Variants in DBX2 observed in about 807,000 individuals in gnomAD.
DBX2 encodes homeobox protein DBX2.
A neutral mutation model predicts 17.7 loss-of-function variants in DBX2; 16 were observed. That is an observed-to-expected ratio of 0.90 (90% CI 0.61 to 1.37). The LOEUF (loss-of-function observed/expected upper bound fraction) is 1.37, where lower values mean the gene tolerates loss of function less well. DBX2 is among the 40% of genes most tolerant of loss of function. DBX2 has a pLI of 0.00. For synonymous variants in DBX2, 255 were observed against 183.8 expected (o/e 1.39, Z -3.13); for missense variants, 538 against 433.8 (o/e 1.24, Z -2.13).
At chr12:45,037,134 T>C (rs922617989) in intron 1 of DBX2, among the ~76,000 whole-genome samples, 7 of 152,188 alleles carry the variant, frequency 4.6e-5, no homozygotes, top group South Asian at 2.1e-4. Context: ...CATTTTAAGT[T>C]AAACTCTTTC....
intron 1 of DBX2, among the ~76,000 whole-genome samples, chr12:45,048,804 T>C (rs963825221): frequency 1.3e-5 from 2 of 152,316 alleles, no homozygotes; most frequent in East Asian, 3.9e-4. Context: ...TAGAACATCA[T>C]ATCTTCAATG....
chr12:45,026,845 T>G (rs1338762476), intron 2 of DBX2, among the ~76,000 whole-genome samples: 1 of 152,218 alleles, frequency 6.6e-6, no homozygotes, highest in African/African-American at 2.4e-5. Flanking sequence ...GAAGGTCTAC[T>G]TTCATTGATG....
chr12:45,023,707 C>T lies in DBX2; in HGVS notation c.687G>A (p.Gln229=). The change falls in exon 3 of 4, where the codon CAG becomes CAA. Residue 229 remains glutamine, a splice_region_variant and synonymous_variant. Transcript: ENST00000332700. ...TAGACATCTTCCTGCTTATTAGTAC[C>T]TGTGATTCCTTTAGTCCCAAGTTGA... is the stretch of plus-strand genomic sequence containing the variant. ...LAINLGLKES[Q]VKIWFQNRRM... 1 of 1,613,962 alleles carries T rather than the reference C, an allele frequency of 6.2e-7. No individual in the cohort carries two copies. Among genetic ancestry groups the T allele is most frequent in the Non-Finnish European group, 8.5e-7 (1 of 1,179,940 alleles).
intron 2 of DBX2, among the ~76,000 whole-genome samples, chr12:45,030,135 G>C (rs571791997): frequency 6.6e-6 from 1 of 152,226 alleles, no homozygotes; most frequent in South Asian, 2.1e-4. Context: ...CACAGCATTG[G>C]ACAATCTAGT....
chr12:45,032,456 G>A (rs1946415512), intron 2 of DBX2, among the ~76,000 whole-genome samples: 1 of 152,134 alleles, frequency 6.6e-6, no homozygotes, highest in Admixed American at 6.5e-5. Flanking sequence ...AGAGAACACA[G>A]AAAGGACAGG....
chr12:45,026,909 A>T (rs906188053), intron 2 of DBX2, among the ~76,000 whole-genome samples: 3 of 152,152 alleles, frequency 2.0e-5, no homozygotes, highest in African/African-American at 7.2e-5. Flanking sequence ...TTACATCATT[A>T]ATTATTTTTG....
At chr12:45,022,298 GTTTTTT>G (rs745546411) in intron 3 of DBX2, among the ~76,000 whole-genome samples, 1 of 82,518 alleles carries the variant, frequency 1.2e-5, no homozygotes, top group Non-Finnish European at 2.1e-5. Flanking sequence ...AATAATAACT[GTTTTTT>G]TTTTTTTTTT....
rs751701932 is a variant in DBX2 at position 45,036,043 on chromosome 12, G to A, written c.475C>T (p.Pro159Ser). The change falls in exon 2 of 4, where the codon CCT (proline) becomes TCT (serine). Residue 159 changes from proline (P) to serine (S), a missense_variant. Physicochemically the swap from Pro to Ser is moderately conservative, Grantham distance 74 (BLOSUM62 -1). Coordinates refer to ENST00000332700, the MANE Select transcript of DBX2 (RefSeq NM_001004329.3). ...CTTGGAAAAGCAGTGGAGGATGCAG[G>A]GCGCCGACAGGACCCACCGCAGCAC... ...SACCGGSCRRPASSTAFPREE... is the reference protein window; with the variant it reads ...SACCGGSCRRSASSTAFPREE... 1 of 1,613,576 alleles carries A rather than the reference G, an allele frequency of 6.2e-7. No individual in the cohort carries two copies. Among genetic ancestry groups the A allele is most frequent in the Non-Finnish European group, 8.5e-7 (1 of 1,179,860 alleles).
chr12:45,022,298 G>GTTTTTTTTTTT (rs745546411), intron 3 of DBX2, among the ~76,000 whole-genome samples: 4 of 82,510 alleles, frequency 4.8e-5, no homozygotes, highest in African/African-American at 5.0e-5. Flanking sequence ...AATAATAACT[G>GTTTTTTTTTTT]TTTTTTTTTT....
chr12:45,019,508 A>G (rs1946340464), intron 3 of DBX2, among the ~76,000 whole-genome samples: 1 of 152,254 alleles, frequency 6.6e-6, no homozygotes, highest in Admixed American at 6.5e-5. Context: ...TGAAATTTTC[A>G]TATGTCAGTA....
chr12:45,050,575 G>C lies in DBX2; in HGVS notation c.353C>G (p.Pro118Arg), dbSNP rs1946525546. The change falls in exon 1 of 4, where the codon CCG becomes CGG. Residue 118 changes from proline (P) to arginine (R), a missense_variant. Pro to Arg is a moderately radical substitution (Grantham distance 103). Transcript: ENST00000332700. ...GTCTCGGTCCCCCGGAGCCCGGCCC[G>C]GCAGCCTCGCACTGTCCGCAGAGGG... Reference protein sequence around the residue: ...LSPSADSARLPGRAPGDRDCT... With the variant: ...LSPSADSARLRGRAPGDRDCT... The C allele has an allele frequency of 1.3e-6, 2 of 1,552,316 alleles. No individual in the cohort carries two copies. Among genetic ancestry groups the C allele is most frequent in the South Asian group, 2.4e-5 (2 of 84,168 alleles).
intron 2 of DBX2, among the ~76,000 whole-genome samples, chr12:45,031,981 C>A (rs1043409787): frequency 1.3e-5 from 2 of 152,036 alleles, no homozygotes; most frequent in Non-Finnish European, 2.9e-5. Context: ...AGAAAACCAC[C>A]CCATATTGTT....
intron 3 of DBX2, among the ~76,000 whole-genome samples, chr12:45,018,565 A>AG (rs1946335157): frequency 1.3e-5 from 2 of 152,112 alleles, no homozygotes; most frequent in South Asian, 4.1e-4. Flanking sequence ...CATAAAACAG[A>AG]GGATACATGG....
At chr12:45,044,994 C>G (rs1946492170) in intron 1 of DBX2, among the ~76,000 whole-genome samples, 1 of 151,912 alleles carries the variant, frequency 6.6e-6, no homozygotes. Context: ...TATACAAGGG[C>G]CTGGTAAGTA....
chr12:45,033,875 C>T (rs995054097), intron 2 of DBX2, among the ~76,000 whole-genome samples: 5 of 152,026 alleles, frequency 3.3e-5, no homozygotes, highest in Admixed American at 6.6e-5. Flanking sequence ...CTATAATTTA[C>T]AAGAATTATG....
At chr12:45,017,361 C>T (rs1946329480) in intron 3 of DBX2, among the ~76,000 whole-genome samples, 1 of 152,046 alleles carries the variant, frequency 6.6e-6, no homozygotes, top group African/African-American at 2.4e-5. Flanking sequence ...CCTCATTTCA[C>T]ATGTTAAAAA....
chr12:45,023,580 A>G lies in DBX2; in HGVS notation c.687+127T>C. The G allele has an allele frequency of 2.7e-6, 3 of 1,098,652 alleles. 1 individual carries two copies. In the South Asian group the frequency reaches 4.6e-5, roughly 17 times the overall value. The allele number at this position is 1,098,652 out of a possible 1,614,324, so 68.1% of individuals were successfully genotyped here. ...GGTATAAGAAATATTTGCTAAATAAATGGATTCCATTGTGTGCCTTAAGAA... is the reference window on the plus strand; with the variant it reads ...GGTATAAGAAATATTTGCTAAATAAGTGGATTCCATTGTGTGCCTTAAGAA... On this transcript the variant is annotated intron_variant, in intron 3 of 3. Coordinates refer to ENST00000332700, the MANE Select transcript of DBX2 (RefSeq NM_001004329.3).
chr12:45,047,921 G>A (rs1946508699), intron 1 of DBX2, among the ~76,000 whole-genome samples: 1 of 152,096 alleles, frequency 6.6e-6, no homozygotes, highest in South Asian at 2.1e-4. Flanking sequence ...CTTATTAGGA[G>A]GATTAAAGGA....
chr12:45,020,779 A>G (rs1946347862), intron 3 of DBX2, among the ~76,000 whole-genome samples: 1 of 151,884 alleles, frequency 6.6e-6, no homozygotes, highest in South Asian at 2.1e-4. Context: ...GTAAGGATTA[A>G]TTGACATCAA....
Sources: allele counts gnomAD v4.1 joint callset (sites outside exome capture counted in the v4.1 genomes callset), GRCh38; gene constraint gnomAD v4.1.1; transcripts MANE v1.5; gene names NCBI Gene and HGNC (gene_info 2026-07-23, HGNC 2026-07-21).